Variants in FAM184A observed in about 807,000 individuals in gnomAD.
The protein encoded by FAM184A is protein FAM184A.
A neutral mutation model predicts 143.8 loss-of-function variants in FAM184A; 99 were observed. That is an observed-to-expected ratio of 0.69 (90% CI 0.58 to 0.81). The LOEUF (loss-of-function observed/expected upper bound fraction) is 0.81, where lower values mean the gene tolerates loss of function less well. Ranked by LOEUF, FAM184A falls within the 40% of genes least tolerant of loss-of-function variation. The pLI, the probability that FAM184A is intolerant of heterozygous loss-of-function variation, is 0.00. For synonymous variants in FAM184A, 427 were observed against 446.4 expected, an observed-to-expected ratio of 0.96 and a Z score of 0.55; for missense variants, 1,217 against 1,310.5, an observed-to-expected ratio of 0.93 and a Z score of 1.10.
chr6:119,043,213 T>G (rs891884447), intron 1 of FAM184A, among the ~76,000 whole-genome samples: 6 of 152,100 alleles, frequency 3.9e-5, no homozygotes, highest in African/African-American at 1.4e-4. Flanking sequence ...GAGATCACAA[T>G]GCAACCAACT....
At position 119,078,033 on chromosome 6, in the gene FAM184A, T is replaced by A; in HGVS notation, c.159+108A>T. 2 of 1,296,482 alleles carry A rather than the reference T, an allele frequency of 1.5e-6. No individual in the cohort carries two copies. Among genetic ancestry groups the A allele is most frequent in the Non-Finnish European group, 2.1e-6 (2 of 962,030 alleles). The allele number at this position is 1,296,482 out of a possible 1,614,324, so 80.3% of individuals were successfully genotyped here. A position where few individuals can be genotyped will look rare whatever the true frequency, so the allele number is the denominator to read the frequency against. On this transcript the variant is annotated intron_variant, in intron 1 of 17. Transcript: ENST00000338891. This position sits in a 1 kb window ranked among gnomAD's most constrained non-coding sequence, Gnocchi z 5.5. ...TCCGGCTGTTGCTTCGGCGGAGGAG[T>A]AGAGTTCCCCTCGCTGCGGGCGCAG...
In FAM184A at chr6:119,041,860, G is replaced by A. The variant is rs192728801; in HGVS notation, c.160-17047C>T. On this transcript the variant is annotated intron_variant, in intron 1 of 17. Coordinates refer to ENST00000338891, the MANE Select transcript of FAM184A (RefSeq NM_024581.6). ...CTGAACACTAGTTGCTGGGTTCCAC[G>A]GTTCTCTTCCATGACCCACGGCTTC... Among the ~76,000 whole-genome samples the A allele has an allele frequency of 4.3e-4, 66 of 152,186 alleles. 1 individual carries two copies. The South Asian group carries it at 9.6e-3, about 22-fold the overall frequency.
intron 1 of FAM184A, among the ~76,000 whole-genome samples, chr6:119,111,764 A>G (rs926338390): frequency 6.6e-6 from 1 of 152,228 alleles, no homozygotes; most frequent in Non-Finnish European, 1.5e-5. Context: ...AAATGCATGT[A>G]GTAGATTCAG....
intron 1 of FAM184A, among the ~76,000 whole-genome samples, chr6:119,144,763 C>T (rs1273914573): frequency 6.6e-6 from 1 of 152,216 alleles, no homozygotes; most frequent in Non-Finnish European, 1.5e-5. Context: ...AAATGGGAGA[C>T]AGTGCTGAGC....
At chr6:119,103,401 T>A (rs1313838041) in intron 1 of FAM184A, among the ~76,000 whole-genome samples, 2 of 152,212 alleles carry the variant, frequency 1.3e-5, no homozygotes, top group Non-Finnish European at 2.9e-5. Context: ...GCTGAGTGAT[T>A]TTTTTGTAAT....
At chr6:119,113,356 G>A (rs1177446286) in intron 1 of FAM184A, among the ~76,000 whole-genome samples, 2 of 152,158 alleles carry the variant, frequency 1.3e-5, no homozygotes, top group Non-Finnish European at 2.9e-5. Context: ...TGTGTCCTGA[G>A]TTACGGGTTG....
Position 119,141,037 on chromosome 6 carries a change from G to A in FAM184A, c.-202+8041C>T, listed in dbSNP as rs369473352. On this transcript the variant is annotated intron_variant, in intron 1 of 16. Coordinates refer to the FAM184A transcript ENST00000352896. The stretch of plus-strand genomic sequence containing the variant: ...AAGCCAAGGCTACTTTATATGACCC[G>A]GAGTAGGTGATAGGGACAAAGGAGA... Among the ~76,000 whole-genome samples the A allele has an allele frequency of 6.4e-4, 98 of 152,298 alleles. 2 individuals carry two copies. The South Asian group carries it at 0.019, about 30-fold the overall frequency.
chr6:119,006,712 AATGG>A, intron 6 of FAM184A, 104 bp from the exon 7 acceptor site: 4 of 893,602 alleles, frequency 4.5e-6, no homozygotes, highest in African/African-American at 1.7e-5. Context: ...AATTTTACTG[AATGG>A]ATGATTTCCT....
In FAM184A at chr6:118,966,931, T is replaced by C; in HGVS notation, c.2937A>G (p.Lys979=). 6.5e-7 allele frequency: 1 copy of C among 1,538,392 alleles called. No individual in the cohort carries two copies. The highest frequency in any genetic ancestry group is 8.9e-7 in the Non-Finnish European group (1 of 1,117,734). ...CTGGTTTTGATTCTCTCATTAGATA[T>C]TTTTCTTCCATTTCTTCTAATCTGA... ...LQVSLEEMEE[K]YLMRESKPED... is the part of the protein sequence containing the mutation. Residue 979 remains lysine (K), a synonymous_variant, in exon 15 of 18, where the codon AAA becomes AAG. Transcript: ENST00000338891.
chr6:118,966,775 T>C, intron 15 of FAM184A, 60 bp downstream of exon 15: 1 of 749,512 alleles, frequency 1.3e-6, no homozygotes, highest in Non-Finnish European at 2.2e-6. Flanking sequence ...TTGTCCCATA[T>C]TTTCCCAATC....
chr6:119,072,225 C>T (rs998392056), intron 1 of FAM184A, among the ~76,000 whole-genome samples: 2 of 152,140 alleles, frequency 1.3e-5, no homozygotes, highest in Non-Finnish European at 2.9e-5. Context: ...AAGTTTGTGA[C>T]CAGTTAATTA....
intron 1 of FAM184A, among the ~76,000 whole-genome samples, chr6:119,092,185 T>C (rs537981425): frequency 6.6e-6 from 1 of 152,320 alleles, no homozygotes; most frequent in Non-Finnish European, 1.5e-5. Flanking sequence ...TCACCCAGGC[T>C]GGAGTGCAGT....
intron 1 of FAM184A, among the ~76,000 whole-genome samples, chr6:119,042,862 CT>C (rs148723495): frequency 0.016 from 2,480 of 152,250 alleles, 28 homozygotes; most frequent in South Asian, 0.028. Context: ...GGGATGGGAA[CT>C]CTGTACTTTC....
Position 119,078,089 on chromosome 6 carries a change from T to G in FAM184A, c.159+52A>C, listed in dbSNP as rs1787937609. ...ACTGCCTCCCGGGGAGACAGGTGAG[T>G]CCGGCGCGGCCCGCACGGGGTCGCC... On this transcript the variant is annotated intron_variant, in intron 1 of 17. Transcript: ENST00000338891. This position sits in a 1 kb window ranked among gnomAD's most constrained non-coding sequence, Gnocchi z 5.5. The G allele has an allele frequency of 6.5e-7, 1 of 1,536,256 alleles. No homozygotes were observed. Among genetic ancestry groups the G allele is most frequent in the Non-Finnish European group, 8.7e-7 (1 of 1,145,538 alleles).
At chr6:119,064,539 C>T (rs1787373124) in intron 1 of FAM184A, among the ~76,000 whole-genome samples, 3 of 152,132 alleles carry the variant, frequency 2.0e-5, no homozygotes, top group Non-Finnish European at 4.4e-5. Flanking sequence ...CATCTCCACA[C>T]AAACACACAC....
chr6:119,070,233 T>C (rs959772194), intron 1 of FAM184A, among the ~76,000 whole-genome samples: 11 of 152,162 alleles, frequency 7.2e-5, no homozygotes, highest in Admixed American at 5.9e-4. Context: ...TACATTCTCG[T>C]TGAAGTTTTG....
intron 1 of FAM184A, among the ~76,000 whole-genome samples, chr6:119,147,087 G>A (rs370068322): frequency 1.5e-5 from 1 of 68,246 alleles, no homozygotes. Context: ...TTGTTTTTTT[G>A]TCTCCCAGAT....
chr6:118,970,008 A>ATATATATATATATATTTTT, intron 14 of FAM184A, among the ~76,000 whole-genome samples: 4 of 19,050 alleles, frequency 2.1e-4, no homozygotes, highest in African/African-American at 6.2e-4. Context: ...ATATATATAT[A>ATATATATATATATATTTTT]TTTTTTTTTT....
intron 1 of FAM184A, among the ~76,000 whole-genome samples, chr6:119,144,171 CAA>C (rs55990833): frequency 6.9e-6 from 1 of 144,262 alleles, no homozygotes; most frequent in Admixed American, 6.9e-5. Flanking sequence ...ACTAAAAATA[CAA>C]AAAAAAAAAA....
Sources: gnomAD v4.1 joint callset for allele counts (sites outside exome capture counted in the v4.1 genomes callset) on GRCh38, gnomAD v4.1.1 for gene constraint, Gnocchi (gnomAD v3.1) non-coding constraint, MANE v1.5 for transcripts, NCBI Gene and HGNC (gene_info 2026-07-23, HGNC 2026-07-21) for gene names.